Variants in NECAB1 observed in about 807,000 individuals in gnomAD.
The protein encoded by NECAB1 is N-terminal EF-hand calcium binding protein 1.
In NECAB1, 29 loss-of-function variants were observed where a neutral mutation model predicts 57.5. That is an observed-to-expected ratio of 0.50 (90% confidence interval 0.38 to 0.69). NECAB1 has a LOEUF of 0.69. Ranked by LOEUF, NECAB1 falls within the 30% of genes least tolerant of loss-of-function variation. The pLI, the probability that NECAB1 is intolerant of heterozygous loss-of-function variation, is 0.00. For missense variants in NECAB1, 372 were observed against 413.8 expected, an observed-to-expected ratio of 0.90 and a Z score of 0.88; for synonymous variants, 142 against 147.7, an observed-to-expected ratio of 0.96 and a Z score of 0.28.
At position 90,959,114 on chromosome 8, in the gene NECAB1, CG is replaced by C. The variant is rs1277981680; in HGVS notation, c.*3603del. The stretch of plus-strand genomic sequence containing the variant: ...AGTTTATCAAACCAAATACTGTGAA[CG>C]TACCAGGTGTTTACAGATTTAAATG... On this transcript the variant is annotated 3_prime_UTR_variant, in exon 13 of 13. Transcript: ENST00000417640. 6.5e-6 allele frequency: 4 copies of C among 612,172 alleles called. No individual in the cohort carries two copies. The African/African-American group carries it at 7.8e-5, about 12-fold the overall frequency. The allele number at this position is 612,172 out of a possible 1,614,324, so 37.9% of individuals were successfully genotyped here.
chr8:90,891,372 G>C (rs1259157735), intron 5 of NECAB1, among the ~76,000 whole-genome samples: 4 of 152,056 alleles, frequency 2.6e-5, no homozygotes, highest in Admixed American at 6.6e-5. Context: ...ATAATGTTTA[G>C]TCATAATATT....
Position 90,892,860 on chromosome 8 carries a change from G to A in NECAB1, c.357+11730G>A, listed in dbSNP as rs570858855. Among the ~76,000 whole-genome samples, 13 of 152,224 alleles carry A rather than the reference G, an allele frequency of 8.5e-5. No homozygotes were observed. In the South Asian group the frequency reaches 2.3e-3, roughly 27 times the overall value. On this transcript the variant is annotated intron_variant, in intron 5 of 12. Coordinates refer to ENST00000417640, the MANE Select transcript of NECAB1 (RefSeq NM_022351.5). The stretch of plus-strand genomic sequence containing the variant: ...TTACATTGGCTCCTCATTGACCTCA[G>A]GACAAAGTCTAGACTCTTTGCCCAG...
At chr8:90,880,305 A>G (rs542639750) in intron 4 of NECAB1, among the ~76,000 whole-genome samples, 1 of 152,136 alleles carries the variant, frequency 6.6e-6, no homozygotes, top group African/African-American at 2.4e-5. Context: ...AAAACCCTAG[A>G]TCTTCTCAAT....
chr8:90,823,262 C>G (rs533036289), intron 2 of NECAB1, among the ~76,000 whole-genome samples: 6 of 151,828 alleles, frequency 4.0e-5, no homozygotes, highest in African/African-American at 1.2e-4. Context: ...CTGTGTCTGC[C>G]CAGTTAAACG....
At chr8:90,932,679 A>G (rs2130200530) in intron 8 of NECAB1, among the ~76,000 whole-genome samples, 1 of 152,304 alleles carries the variant, frequency 6.6e-6, no homozygotes, top group Middle Eastern at 3.4e-3. Context: ...TCCACCACAA[A>G]ATAACAGCAC....
At chr8:90,803,633 C>T (rs1242390803) in intron 2 of NECAB1, among the ~76,000 whole-genome samples, 2 of 152,104 alleles carry the variant, frequency 1.3e-5, no homozygotes, top group African/African-American at 2.4e-5. Flanking sequence ...TCCTCACCTG[C>T]CCCCACTCTG....
intron 3 of NECAB1, among the ~76,000 whole-genome samples, chr8:90,853,060 G>A (rs1812715978): frequency 6.6e-6 from 1 of 152,234 alleles, no homozygotes; most frequent in Admixed American, 6.5e-5. Flanking sequence ...TGGGGCTTCA[G>A]GGGTCAAAGG....
Position 90,958,271 on chromosome 8 carries a change from ATCAGTTTTACTTT to A in NECAB1, c.*2760_*2772del, listed in dbSNP as rs1379973481. 9 of 151,624 alleles carry A rather than the reference ATCAGTTTTACTTT, an allele frequency of 5.9e-5. No individual in the cohort carries two copies. In the East Asian group the frequency reaches 1.7e-3, roughly 29 times the overall value. The allele number at this position is 151,624 out of a possible 1,614,324, so 9.4% of individuals were successfully genotyped here. A position where few individuals can be genotyped will look rare whatever the true frequency, so the allele number is the denominator to read the frequency against. On this transcript the variant is annotated 3_prime_UTR_variant, in exon 13 of 13. Coordinates refer to ENST00000417640, the MANE Select transcript of NECAB1 (RefSeq NM_022351.5). ...TCTAAATTCCTTTGGAAATAAAAAT[ATCAGTTTTACTTT>A]GAAATTGCTCAACTTCTGCTATTCA...
chr8:90,918,658 G>A (rs1810034144), intron 6 of NECAB1, among the ~76,000 whole-genome samples: 1 of 152,166 alleles, frequency 6.6e-6, no homozygotes, highest in Admixed American at 6.5e-5. Flanking sequence ...ACTTGAACTG[G>A]ACCTGTAGGA....
At chr8:90,827,461 A>G (rs1812243135) in intron 3 of NECAB1, among the ~76,000 whole-genome samples, 1 of 151,936 alleles carries the variant, frequency 6.6e-6, no homozygotes. Flanking sequence ...GGAGTCCATT[A>G]AATTGGTATC....
At chr8:90,916,169 T>C (rs1263014338) in intron 5 of NECAB1, among the ~76,000 whole-genome samples, 4 of 152,250 alleles carry the variant, frequency 2.6e-5, no homozygotes, top group Non-Finnish European at 5.9e-5. Flanking sequence ...CTGTAATGAA[T>C]GAGCTTAAAA....
chr8:90,946,451 A>G (rs1486364473), intron 10 of NECAB1, among the ~76,000 whole-genome samples: 1 of 152,222 alleles, frequency 6.6e-6, no homozygotes, highest in Admixed American at 6.5e-5. Flanking sequence ...AAATAAATAC[A>G]CAAAGATGAC....
intron 8 of NECAB1, 92 bp downstream of exon 8, chr8:90,928,391 A>G: frequency 1.1e-6 from 1 of 876,818 alleles, no homozygotes; most frequent in Middle Eastern, 2.5e-4. Context: ...ACTGCCCCAT[A>G]GATAGAATAA....
chr8:90,906,226 G>A (rs907596017), intron 5 of NECAB1, among the ~76,000 whole-genome samples: 4 of 152,062 alleles, frequency 2.6e-5, no homozygotes, highest in African/African-American at 9.7e-5. Flanking sequence ...TCTCAGTTTT[G>A]GGCTTCCCTG....
intron 2 of NECAB1, among the ~76,000 whole-genome samples, chr8:90,810,927 T>C (rs1405582838): frequency 1.3e-5 from 2 of 151,778 alleles, no homozygotes; most frequent in East Asian, 1.9e-4. Context: ...ATGGAGAAAA[T>C]TGAATATTTT....
chr8:90,873,899 C>G (rs959123698), intron 4 of NECAB1, among the ~76,000 whole-genome samples: 2 of 152,050 alleles, frequency 1.3e-5, no homozygotes, highest in Admixed American at 1.3e-4. Context: ...TAGTTAGGTC[C>G]CTATCCTGTA....
intron 2 of NECAB1, among the ~76,000 whole-genome samples, chr8:90,804,889 A>C (rs572063025): frequency 3.3e-5 from 5 of 152,332 alleles, no homozygotes; most frequent in African/African-American, 1.2e-4. Context: ...AATTATGAAT[A>C]ATAAATGAGG....
At chr8:90,794,668 A>C (rs1438151890) in intron 1 of NECAB1, among the ~76,000 whole-genome samples, 1 of 152,202 alleles carries the variant, frequency 6.6e-6, no homozygotes, top group East Asian at 1.9e-4. Flanking sequence ...ATCCTCTCCA[A>C]ATCAGCAATA....
intron 5 of NECAB1, among the ~76,000 whole-genome samples, chr8:90,903,653 T>C (rs775019438): frequency 1.3e-5 from 2 of 152,204 alleles, no homozygotes; most frequent in African/African-American, 2.4e-5. Flanking sequence ...GCAACTTCTG[T>C]TTATAGCAGT....
Sources: gnomAD v4.1 joint callset for allele counts (sites outside exome capture counted in the v4.1 genomes callset) on GRCh38, gnomAD v4.1.1 for gene constraint, MANE v1.5 for transcripts, NCBI Gene and HGNC (gene_info 2026-07-23, HGNC 2026-07-21) for gene names.